The following ATP10B variants were observed in gnomAD, a reference collection of about 807,000 sequenced individuals.
ATP10B encodes the protein phospholipid-transporting ATPase VB.
Under a neutral mutation model 141.2 loss-of-function variants are expected in ATP10B, and 122 were observed. The observed-to-expected ratio is 0.86, with a 90% confidence interval of 0.75 to 1.00. ATP10B has a LOEUF of 1.00. Ranked by LOEUF, ATP10B falls within the 50% of genes least tolerant of loss-of-function variation. The pLI is 0.00. For synonymous variants in ATP10B, 685 were observed against 692.0 expected (o/e 0.99, Z 0.16); for missense variants, 1,876 against 1,825.3 (o/e 1.03, Z -0.51).
intron 7 of ATP10B, among the ~76,000 whole-genome samples, chr5:160,652,664 T>C (rs1189086060): frequency 7.5e-6 from 1 of 133,240 alleles, no homozygotes; most frequent in East Asian, 2.1e-4. Context: ...ATGTATATAT[T>C]ATATATACAT....
intron 2 of ATP10B, among the ~76,000 whole-genome samples, chr5:160,758,781 T>A (rs1419161585): frequency 6.6e-6 from 1 of 152,160 alleles, no homozygotes; most frequent in South Asian, 2.1e-4. Flanking sequence ...AAGATTTAGA[T>A]GGAGAGTAGA....
At chr5:160,637,359 A>G (rs1759495002) in intron 10 of ATP10B, among the ~76,000 whole-genome samples, 1 of 152,024 alleles carries the variant, frequency 6.6e-6, no homozygotes, top group Admixed American at 6.6e-5. Flanking sequence ...CCATCCATCT[A>G]TGTTTACCCA....
At chr5:160,597,603 C>T (rs1307966952) in intron 22 of ATP10B, among the ~76,000 whole-genome samples, 1 of 151,904 alleles carries the variant, frequency 6.6e-6, no homozygotes, top group African/African-American at 2.4e-5. Context: ...TCAGAGTGAA[C>T]AGGCAACCTA....
intron 3 of ATP10B, among the ~76,000 whole-genome samples, chr5:160,708,781 G>GA (rs1476534193): frequency 1.6e-4 from 24 of 152,310 alleles, no homozygotes; most frequent in South Asian, 6.2e-4. Context: ...CGTCATGATG[G>GA]AAGAGCTGTC....
At chr5:160,594,273 A>G (rs1756525317) in intron 22 of ATP10B, among the ~76,000 whole-genome samples, 1 of 152,224 alleles carries the variant, frequency 6.6e-6, no homozygotes, top group Admixed American at 6.5e-5. Flanking sequence ...TCAGAATTTC[A>G]TATCCAGCCA....
At chr5:160,682,546 G>C (rs1192962984) in intron 6 of ATP10B, among the ~76,000 whole-genome samples, 1 of 152,146 alleles carries the variant, frequency 6.6e-6, no homozygotes, top group Non-Finnish European at 1.5e-5. Context: ...TCCACACTGA[G>C]ATTATTCCCA....
chr5:160,775,010 G>A (rs1770187325), intron 2 of ATP10B, among the ~76,000 whole-genome samples: 1 of 152,220 alleles, frequency 6.6e-6, no homozygotes, highest in Non-Finnish European at 1.5e-5. Context: ...GGACCCACCA[G>A]GCTCCTATGG....
intron 10 of ATP10B, 109 bp from the exon 11 acceptor site, chr5:160,636,418 C>G: frequency 2.6e-6 from 3 of 1,150,244 alleles, no homozygotes; most frequent in Non-Finnish European, 3.7e-6. Flanking sequence ...CTTTGGAGGA[C>G]CCCTCCTTCT....
intron 18 of ATP10B, chr5:160,612,417 T>G (rs1757766223): frequency 5.0e-6 from 1 of 198,452 alleles, no homozygotes; most frequent in African/African-American, 2.3e-5. Context: ...AGCAAGAGAC[T>G]TAGCCCCAGT....
At chr5:160,746,729 T>A (rs1767831554) in intron 2 of ATP10B, among the ~76,000 whole-genome samples, 1 of 152,202 alleles carries the variant, frequency 6.6e-6, no homozygotes, top group Non-Finnish European at 1.5e-5. Context: ...TTGCTTAAAC[T>A]AATATGTAAG....
intron 1 of ATP10B, among the ~76,000 whole-genome samples, chr5:160,793,426 T>TG (rs1213064343): frequency 6.6e-6 from 1 of 152,200 alleles, no homozygotes; most frequent in African/African-American, 2.4e-5. Flanking sequence ...ACCAACACTC[T>TG]TCAACAATTG....
chr5:160,698,339 A>C (rs1046676085), intron 3 of ATP10B, among the ~76,000 whole-genome samples: 1 of 151,970 alleles, frequency 6.6e-6, no homozygotes, highest in African/African-American at 2.4e-5. Context: ...TTTCAAATCC[A>C]TTTTCTTCTT....
At chr5:160,890,993 ATG>A in the ATP10B span, among the ~76,000 whole-genome samples, 17 of 125,906 alleles carry the variant, frequency 1.4e-4, no homozygotes, top group African/African-American at 4.3e-4. Context: ...GTTTACGTGT[ATG>A]TGTGTGCGTG....
chr5:160,802,010 G>C (rs1402356732), intron 1 of ATP10B, among the ~76,000 whole-genome samples: 1 of 152,162 alleles, frequency 6.6e-6, no homozygotes, highest in East Asian at 1.9e-4. Context: ...ACGTTTGCCA[G>C]CATAGTAGAG....
intron 7 of ATP10B, 54 bp downstream of exon 7, chr5:160,670,409 A>T: frequency 6.3e-7 from 1 of 1,575,310 alleles, no homozygotes. Flanking sequence ...CCAGTAGGGT[A>T]GGCTTGCATC....
Position 160,830,360 on chromosome 5 carries a change from T to TA in ATP10B, c.-576+21580dup, listed in dbSNP as rs566143021. 2.2e-3 allele frequency among the ~76,000 whole-genome samples: 328 copies of TA among 152,256 alleles called. 3 individuals are homozygous for TA. Among genetic ancestry groups the TA allele is most frequent in the African/African-American group, 7.4e-3 (308 of 41,566 alleles). On this transcript the variant is annotated intron_variant, in intron 1 of 25. Coordinates refer to ENST00000327245, the MANE Select transcript of ATP10B (RefSeq NM_025153.3). Reference sequence around the variant, plus strand: ...CTTTTTTAATTGCTGTGTGTTTGTATAGGCATTGTGACAGTTGACTTTATG... The same window carrying TA: ...CTTTTTTAATTGCTGTGTGTTTGTATAAGGCATTGTGACAGTTGACTTTATG...
the ATP10B span, among the ~76,000 whole-genome samples, chr5:160,910,159 G>C: frequency 6.6e-6 from 1 of 152,062 alleles, no homozygotes; most frequent in East Asian, 1.9e-4. Flanking sequence ...TAAGAAGCCT[G>C]TATCAGGGCC....
At chr5:160,725,451 G>A (rs532998012) in intron 2 of ATP10B, among the ~76,000 whole-genome samples, 169 of 152,016 alleles carry the variant, frequency 1.1e-3, no homozygotes, top group African/African-American at 3.9e-3. Flanking sequence ...ACAGGCTTAC[G>A]ATGGGATTTT....
chr5:160,825,423 G>T (rs1410635619), intron 1 of ATP10B, among the ~76,000 whole-genome samples: 1 of 152,082 alleles, frequency 6.6e-6, no homozygotes, highest in Non-Finnish European at 1.5e-5. Flanking sequence ...CTTTCTCTTG[G>T]CTCCTATTCT....
Sources: gnomAD v4.1 joint callset for allele counts (sites outside exome capture counted in the v4.1 genomes callset) on GRCh38, gnomAD v4.1.1 for gene constraint, MANE v1.5 for transcripts, NCBI Gene and HGNC (gene_info 2026-07-23, HGNC 2026-07-21) for gene names.